Variants in AFG3L2 observed in about 807,000 individuals in gnomAD.
AFG3L2 encodes the protein AFG3 like matrix AAA peptidase subunit 2.
A neutral mutation model predicts 94.5 loss-of-function variants in AFG3L2; 54 were observed. That is an observed-to-expected ratio of 0.57 (90% CI 0.46 to 0.72). The LOEUF is 0.72. AFG3L2 is among the 30% of genes least tolerant of loss of function. The pLI is 0.00. For missense variants in AFG3L2, 754 were observed against 994.9 expected (o/e 0.76, Z 3.26); for synonymous variants, 377 against 365.5 (o/e 1.03, Z -0.36).
At chr18:12,336,345 G>A (rs1320241331) in intron 16 of AFG3L2, among the ~76,000 whole-genome samples, 1 of 152,132 alleles carries the variant, frequency 6.6e-6, no homozygotes, top group African/African-American at 2.4e-5. Flanking sequence ...ACAACCAATG[G>A]CTCCACCTGG....
intron 3 of AFG3L2, among the ~76,000 whole-genome samples, chr18:12,369,225 A>G (rs1482512607): frequency 6.6e-6 from 1 of 152,056 alleles, no homozygotes; most frequent in East Asian, 1.9e-4. Flanking sequence ...AAAAGCTTGC[A>G]TGGGTTATCA....
intron 1 of AFG3L2, among the ~76,000 whole-genome samples, chr18:12,372,980 C>T (rs1909037880): frequency 6.6e-6 from 1 of 152,106 alleles, no homozygotes; most frequent in South Asian, 2.1e-4. Flanking sequence ...GGTTGCATAA[C>T]TTTATGAATA....
Position 12,337,456 on chromosome 18 carries a change from T to A in AFG3L2, c.2060A>T (p.Lys687Ile). 3 of 1,614,238 alleles carry A rather than the reference T, an allele frequency of 1.9e-6. No individual in the cohort carries two copies. The highest frequency in any genetic ancestry group is 2.5e-6 in the Non-Finnish European group (3 of 1,180,032). The change falls in exon 16 of 17, where the codon AAA becomes ATA. Residue 687 changes from lysine to isoleucine, a missense_variant. Coordinates refer to ENST00000269143, the MANE Select transcript of AFG3L2 (RefSeq NM_006796.3). Reference protein sequence around the residue: ...LPRQGDMVLEKPYSEATARLI... With the variant: ...LPRQGDMVLEIPYSEATARLI... ...TCTTGCAGTGGCTTCACTGTAAGGT[T>A]TCTCCAATACCATGTCCCCCTGACG...
chr18:12,361,044 A>G (rs2143199624), intron 6 of AFG3L2, among the ~76,000 whole-genome samples: 1 of 152,346 alleles, frequency 6.6e-6, no homozygotes, highest in Middle Eastern at 3.4e-3. Flanking sequence ...TTTTTAGAAA[A>G]GTATTTTTTA....
intron 1 of AFG3L2, among the ~76,000 whole-genome samples, chr18:12,375,737 G>C (rs1909135040): frequency 6.6e-6 from 1 of 152,252 alleles, no homozygotes; most frequent in Non-Finnish European, 1.5e-5. Flanking sequence ...AGTAGAGATG[G>C]GGTTTCACCG....
chr18:12,371,130 T>C (rs939802416), intron 2 of AFG3L2, among the ~76,000 whole-genome samples: 1 of 152,052 alleles, frequency 6.6e-6, no homozygotes, highest in Admixed American at 6.6e-5. Context: ...CTGCCCAACA[T>C]GGCGAAACTC....
At chr18:12,371,178 G>A (rs547264376) in intron 2 of AFG3L2, among the ~76,000 whole-genome samples, 1 of 152,098 alleles carries the variant, frequency 6.6e-6, no homozygotes, top group African/African-American at 2.4e-5. Flanking sequence ...GCTGGGTGTG[G>A]TGGCAGGTGC....
At position 12,329,376 on chromosome 18, in the gene AFG3L2, G is replaced by A; in HGVS notation, c.*189C>T. On this transcript the variant is annotated 3_prime_UTR_variant, in exon 17 of 17. Coordinates refer to ENST00000269143, the MANE Select transcript of AFG3L2 (RefSeq NM_006796.3). Reference sequence around the variant, plus strand: ...GTGTGCATTTCCCTCAAGGCCTCCGGAAAGTCACCTGCCACCCACTGTGAC... The same window carrying A: ...GTGTGCATTTCCCTCAAGGCCTCCGAAAAGTCACCTGCCACCCACTGTGAC... 1.4e-6 allele frequency: 1 copy of A among 692,468 alleles called. No homozygotes were observed. Among genetic ancestry groups the A allele is most frequent in the Non-Finnish European group, 2.6e-6 (1 of 388,372 alleles). 42.9% of individuals were successfully genotyped at this position (692,468 alleles called of 1,614,324 possible).
At chr18:12,332,958 C>CATATACTATATAATATATAATATAT (rs1568131887) in intron 16 of AFG3L2, among the ~76,000 whole-genome samples, 1 of 30,458 alleles carries the variant, frequency 3.3e-5, no homozygotes, top group South Asian at 1.2e-3. Context: ...ATATTATATA[C>CATATACTATATAATATATAATATAT]TATAATATAT....
chr18:12,347,204 TAA>T (rs1320045663), intron 13 of AFG3L2, among the ~76,000 whole-genome samples: 1 of 152,222 alleles, frequency 6.6e-6, no homozygotes, highest in Non-Finnish European at 1.5e-5. Context: ...GACAAAATTT[TAA>T]AAGTCTTTGA....
intron 16 of AFG3L2, among the ~76,000 whole-genome samples, chr18:12,333,208 T>C (rs1258048755): frequency 6.1e-4 from 74 of 121,546 alleles, no homozygotes; most frequent in African/African-American, 2.2e-3. Context: ...AATAATCTAA[T>C]ATATAATCTA....
Position 12,377,134 on chromosome 18 carries a change from C to A in AFG3L2, c.-52G>T, listed in dbSNP as rs1233650320. ...GGGACGCTGCGCAGGCGCGGGCAGG[C>A]GACGACTGGCGGCCTCGGGAAGCGG... On this transcript the variant is annotated 5_prime_UTR_variant, in exon 1 of 17. Coordinates refer to ENST00000269143, the MANE Select transcript of AFG3L2 (RefSeq NM_006796.3). The A allele has an allele frequency of 7.8e-7, 1 of 1,278,674 alleles. No individual in the cohort carries two copies. The highest frequency in any genetic ancestry group is 1.0e-6 in the Non-Finnish European group (1 of 976,716). 79.2% of individuals were successfully genotyped at this position (1,278,674 alleles called of 1,614,324 possible).
At chr18:12,376,215 G>A (rs1016528215) in intron 1 of AFG3L2, among the ~76,000 whole-genome samples, 1 of 152,192 alleles carries the variant, frequency 6.6e-6, no homozygotes, top group Non-Finnish European at 1.5e-5. Context: ...CCGACCCGGG[G>A]ACCTCAACCA....
rs1192597377 is a variant in AFG3L2 at position 12,329,480 on chromosome 18, T to A, written c.*85A>T. The A allele has an allele frequency of 2.9e-6, 4 of 1,391,722 alleles. No homozygotes were observed. The African/African-American group carries it at 5.7e-5, about 20-fold the overall frequency. The allele number at this position is 1,391,722 out of a possible 1,614,324, so 86.2% of individuals were successfully genotyped here. A position where few individuals can be genotyped will look rare whatever the true frequency, so the allele number is the denominator to read the frequency against. On this transcript the variant is annotated 3_prime_UTR_variant, in exon 17 of 17. Coordinates refer to ENST00000269143, the MANE Select transcript of AFG3L2 (RefSeq NM_006796.3). ...GTGGCTGGCTAAAATCAGCGCAGCA[T>A]TCCCATTCTTCTGAAAGCCACAGCT...
chr18:12,356,837 G>A lies in AFG3L2; in HGVS notation c.1027-6C>T. 3 of 1,613,756 alleles carry A rather than the reference G, an allele frequency of 1.9e-6. No homozygotes were observed. The highest frequency in any genetic ancestry group is 2.5e-6 in the Non-Finnish European group (3 of 1,179,908). ...GGACCAGTGAGAATGGCACCCTTCA[G>A]ATATGAAAAAAGAAATTACATTTAA... On this transcript the variant is annotated splice_polypyrimidine_tract_variant and splice_region_variant and intron_variant, in intron 8 of 16. Coordinates refer to ENST00000269143, the MANE Select transcript of AFG3L2 (RefSeq NM_006796.3).
intron 6 of AFG3L2, among the ~76,000 whole-genome samples, chr18:12,362,558 T>G (rs1175815343): frequency 6.6e-6 from 1 of 152,168 alleles, no homozygotes; most frequent in East Asian, 1.9e-4. Flanking sequence ...GAAAGCACTT[T>G]ATATACAATG....
rs72875315 is a variant in AFG3L2, at chr18:12,372,683, C to T, written c.115-992G>A. Among the ~76,000 whole-genome samples, 1,508 of 152,260 alleles carry T rather than the reference C, an allele frequency of 9.9e-3. 13 individuals are homozygous for T. The highest frequency in any genetic ancestry group is 0.015 in the Non-Finnish European group (994 of 68,022). On this transcript the variant is annotated intron_variant, in intron 1 of 16. Transcript: ENST00000269143. ...GAACAGATAAATAAAATGTGGTATA[C>T]CCATACAAGAGAATACCAGTCACTC...
rs1568141724 is a variant in AFG3L2 at position 12,356,714 on chromosome 18, C to T, written c.1144G>A (p.Val382Ile). 9.3e-6 allele frequency: 15 copies of T among 1,614,206 alleles called. No individual in the cohort carries two copies. The highest frequency in any genetic ancestry group is 8.3e-5 in the Admixed American group (5 of 60,024). ...CTCACTCTAGCAGGGCCCACACCAA[C>T]GAACATCTCCAAAAACTCAGATCCA... ...VSGSEFLEMF[V>I]GVGPARVRDL... is the part of the protein sequence containing the mutation. Residue 382 changes from valine (V) to isoleucine (I), a missense_variant, in exon 9 of 17, where the codon GTT (valine) becomes ATT (isoleucine). Coordinates refer to ENST00000269143, the MANE Select transcript of AFG3L2 (RefSeq NM_006796.3).
chr18:12,360,714 A>G (rs894138104), intron 6 of AFG3L2, among the ~76,000 whole-genome samples: 6 of 152,226 alleles, frequency 3.9e-5, no homozygotes, highest in Non-Finnish European at 8.8e-5. Context: ...CAATCAGCAC[A>G]TAATTATTTC....
Sources: gnomAD v4.1 joint callset for allele counts (sites outside exome capture counted in the v4.1 genomes callset) on GRCh38, gnomAD v4.1.1 for gene constraint, MANE v1.5 for transcripts, NCBI Gene and HGNC (gene_info 2026-07-23, HGNC 2026-07-21) for gene names.